Variants in MAP3K1 observed in about 807,000 individuals in gnomAD.
The protein encoded by MAP3K1 is mitogen-activated protein kinase kinase kinase 1, also known as MAP/ERK kinase kinase 1.
In MAP3K1, 36 loss-of-function variants were observed where a neutral mutation model predicts 144.2. The ratio of observed to expected loss-of-function variants is 0.25; its 90% CI spans 0.19 to 0.33. The LOEUF (loss-of-function observed/expected upper bound fraction) is 0.33, where lower values mean the gene tolerates loss of function less well. Among genes scored for constraint, MAP3K1 ranks in the 10% least tolerant of loss-of-function variants. MAP3K1 has a pLI of 1.00. For missense variants in MAP3K1, 1,650 were observed against 1,881.9 expected (o/e 0.88, Z 2.28); for synonymous variants, 718 against 688.7 (o/e 1.04, Z -0.67).
intron 1 of MAP3K1, among the ~76,000 whole-genome samples, chr5:56,832,173 A>G (rs973721818): frequency 5.9e-5 from 9 of 152,230 alleles, no homozygotes; most frequent in Non-Finnish European, 1.0e-4. Context: ...GGAAGAGCAA[A>G]TGAGATGATG....
chr5:56,815,768 G>T lies in MAP3K1; in HGVS notation c.195G>T (p.Val65=). 7.1e-7 allele frequency: 1 copy of T among 1,402,208 alleles called. No individual in the cohort carries two copies. The highest frequency in any genetic ancestry group is 9.3e-7 in the Non-Finnish European group (1 of 1,074,292). 86.9% of individuals were successfully genotyped at this position (1,402,208 alleles called of 1,614,324 possible). Residue 65 remains valine (V), a synonymous_variant, in exon 1 of 20, where the codon GTG becomes GTT. Transcript: ENST00000399503. ...ADWRRRQLRK[V]RSVELDQLPE... ...GGCGGCGGCGGCAGCTGCGCAAAGT[G>T]CGGAGTGTGGAGCTGGACCAGCTGC...
At chr5:56,847,017 T>C (rs1357966750) in intron 1 of MAP3K1, among the ~76,000 whole-genome samples, 1 of 152,250 alleles carries the variant, frequency 6.6e-6, no homozygotes, top group Non-Finnish European at 1.5e-5. Flanking sequence ...GACATGAGTG[T>C]GCCAAAGAAA....
Position 56,848,436 on chromosome 5 carries a change from T to C in MAP3K1, c.483-8164T>C, listed in dbSNP as rs543462910. ...TTGATTAGAAGTGATAATCAGCTAC[T>C]CTGACTCTGAATCAGGGAGTGTTTA... is the stretch of plus-strand genomic sequence containing the variant. On this transcript the variant is annotated intron_variant, in intron 1 of 19. Coordinates refer to ENST00000399503, the MANE Select transcript of MAP3K1 (RefSeq NM_005921.2). Among the ~76,000 whole-genome samples the C allele has an allele frequency of 1.5e-4, 23 of 152,308 alleles. No individual in the cohort carries two copies. The South Asian group carries it at 3.9e-3, about 26-fold the overall frequency.
intron 1 of MAP3K1, chr5:56,817,074 T>C: frequency 6.1e-6 from 6 of 985,400 alleles, no homozygotes; most frequent in Non-Finnish European, 7.2e-6. Flanking sequence ...GGGCTTCGGC[T>C]CAGATGCGTC....
intron 1 of MAP3K1, among the ~76,000 whole-genome samples, chr5:56,851,414 C>T (rs1747166528): frequency 6.6e-6 from 1 of 152,018 alleles, no homozygotes; most frequent in Non-Finnish European, 1.5e-5. Context: ...GCAGCATGTA[C>T]ACTTGGCCCG....
At chr5:56,877,199 T>G (rs1326018328) in intron 10 of MAP3K1, among the ~76,000 whole-genome samples, 1 of 152,238 alleles carries the variant, frequency 6.6e-6, no homozygotes, top group East Asian at 1.9e-4. Context: ...TGCCTCTTAC[T>G]TAGTATTTTC....
intron 3 of MAP3K1, 83 bp downstream of exon 3, chr5:56,859,998 G>C: frequency 8.3e-7 from 1 of 1,206,476 alleles, no homozygotes; most frequent in Non-Finnish European, 1.2e-6. Flanking sequence ...CCAGCCATCT[G>C]TTAGAACATC....
intron 15 of MAP3K1, 74 bp from the exon 16 acceptor site, chr5:56,884,590 T>C: frequency 7.0e-7 from 1 of 1,423,154 alleles, no homozygotes; most frequent in South Asian, 1.2e-5. Context: ...AAGTGCTAGT[T>C]TGCATTTGTT....
At position 56,882,135 on chromosome 5, in the gene MAP3K1, A is replaced by G; in HGVS notation, c.2935A>G (p.Met979Val). ...SSPLSHHSQL[M>V]FPALSTPSSS... ...TCCTTTATCTCATCATTCCCAATTA[A>G]TGTTTCCAGCCTTGTCAACCCCTTC... Residue 979 changes from methionine (M) to valine (V), a missense_variant, in exon 14 of 20, where the codon ATG becomes GTG. Around this residue, in one of 6 missense-constraint regions of MAP3K1, gnomAD observed 841 missense variants for 886.5 expected, o/e 0.95. Transcript: ENST00000399503. 6.2e-7 allele frequency: 1 copy of G among 1,614,008 alleles called. No individual in the cohort carries two copies. The highest frequency in any genetic ancestry group is 8.5e-7 in the Non-Finnish European group (1 of 1,179,994).
rs1438023243 is a variant in MAP3K1, at chr5:56,815,843, C to T, written c.270C>T (p.Ser90=). The T allele has an allele frequency of 1.5e-5, 21 of 1,405,682 alleles. No homozygotes were observed. Among genetic ancestry groups the T allele is most frequent in the Non-Finnish European group, 1.9e-5 (20 of 1,075,546 alleles). 87.1% of individuals were successfully genotyped at this position (1,405,682 alleles called of 1,614,324 possible). A position where few individuals can be genotyped will look rare whatever the true frequency, so the allele number is the denominator to read the frequency against. The stretch of plus-strand genomic sequence containing the variant: ...CCTCACCGCCGGCCTCCTCGACTTC[C>T]CCGTCGCCGGAGCCCGCGGACGCAG... ...LAASPPASST[S]PSPEPADAAG... The change falls in exon 1 of 20, where the codon TCC becomes TCT. Residue 90 remains serine (S), a synonymous_variant. Coordinates refer to ENST00000399503, the MANE Select transcript of MAP3K1 (RefSeq NM_005921.2).
In MAP3K1 at chr5:56,865,416, C is replaced by T. The variant is rs1430249397; in HGVS notation, c.1112C>T (p.Ser371Leu). The change falls in exon 5 of 20, where the codon TCA (serine) becomes TTA (leucine). Residue 371 changes from serine to leucine, a missense_variant. Transcript: ENST00000399503. Reference protein sequence around the residue: ...VMLRVFQLEPSDPMLWRKTLK... With the variant: ...VMLRVFQLEPLDPMLWRKTLK... ...CTCCGGGTGTTTCAACTAGAACCTT[C>T]AGACCCAATGTTATGGAGAAAAACT... 1 of 1,609,766 alleles carries T rather than the reference C, an allele frequency of 6.2e-7. No individual in the cohort carries two copies. The highest frequency in any genetic ancestry group is 1.7e-5 in the Admixed American group (1 of 60,006).
At position 56,883,654 on chromosome 5, in the gene MAP3K1, C is replaced by A. The variant is rs1207183901; in HGVS notation, c.3794C>A (p.Thr1265Asn). 6.2e-7 allele frequency: 1 copy of A among 1,613,868 alleles called. No individual in the cohort carries two copies. The highest frequency in any genetic ancestry group is 2.2e-5 in the East Asian group (1 of 44,880). The stretch of plus-strand genomic sequence containing the variant: ...TGTTATCAGGCTCAAGATGTGGGAA[C>A]TGGAACTTTAATGGCTGTTAAACAG... ...SSCYQAQDVGTGTLMAVKQVT... is the reference protein window; with the variant it reads ...SSCYQAQDVGNGTLMAVKQVT... Residue 1265 changes from threonine to asparagine, a missense_variant, in exon 15 of 20, where the codon ACT (threonine) becomes AAT (asparagine). Physicochemically the swap from Thr to Asn is moderately conservative, Grantham distance 65 (BLOSUM62 0). Around this residue, in one of 6 missense-constraint regions of MAP3K1, gnomAD observed 165 missense variants for 322.9 expected, o/e 0.51. Coordinates refer to ENST00000399503, the MANE Select transcript of MAP3K1 (RefSeq NM_005921.2).
At chr5:56,823,340 CTG>C (rs1005692029) in intron 1 of MAP3K1, among the ~76,000 whole-genome samples, 4 of 152,164 alleles carry the variant, frequency 2.6e-5, no homozygotes, top group Non-Finnish European at 5.9e-5. Flanking sequence ...GCCAGGAACA[CTG>C]TTTTTCCATA....
chr5:56,882,189 A>G lies in MAP3K1; in HGVS notation c.2989A>G (p.Thr997Ala), dbSNP rs1446404328. The G allele has an allele frequency of 6.2e-7, 1 of 1,614,030 alleles. No individual in the cohort carries two copies. The highest frequency in any genetic ancestry group is 2.2e-5 in the East Asian group (1 of 44,876). ...TTCTACCCCATCTGTACCAGCTGGC[A>G]CTGCAACAGATGTCTCTAAGCATAG... ...SSSTPSVPAG[T>A]ATDVSKHRLQ... The change falls in exon 14 of 20, where the codon ACT becomes GCT. Residue 997 changes from threonine to alanine, a missense_variant. Thr to Ala is a moderately conservative substitution (Grantham distance 58). This residue lies in a region of MAP3K1 where 841 missense variants were observed against 886.5 expected (regional missense o/e 0.95). Coordinates refer to ENST00000399503, the MANE Select transcript of MAP3K1 (RefSeq NM_005921.2).
chr5:56,824,288 C>T (rs1746242704), intron 1 of MAP3K1, among the ~76,000 whole-genome samples: 1 of 152,232 alleles, frequency 6.6e-6, no homozygotes, highest in Admixed American at 6.5e-5. Context: ...GGACCTGTAA[C>T]AAAATATGTG....
intron 6 of MAP3K1, among the ~76,000 whole-genome samples, chr5:56,871,601 C>G (rs1253444642): frequency 6.6e-6 from 1 of 152,098 alleles, no homozygotes; most frequent in Non-Finnish European, 1.5e-5. Flanking sequence ...ACCTGTTGGT[C>G]TATTCAAAAG....
chr5:56,850,744 A>G (rs1271436254), intron 1 of MAP3K1, among the ~76,000 whole-genome samples: 9 of 152,154 alleles, frequency 5.9e-5, no homozygotes, highest in African/African-American at 1.9e-4. Context: ...AAGACCTCAC[A>G]GGGTTGCTGG....
chr5:56,815,580 G>A lies in MAP3K1; in HGVS notation c.7G>A (p.Ala3Thr), dbSNP rs2111724752. 1 of 1,299,364 alleles carries A rather than the reference G, an allele frequency of 7.7e-7. No homozygotes were observed. The highest frequency in any genetic ancestry group is 9.7e-7 in the Non-Finnish European group (1 of 1,026,942). 80.5% of individuals were successfully genotyped at this position (1,299,364 alleles called of 1,614,324 possible). A position where few individuals can be genotyped will look rare whatever the true frequency, so the allele number is the denominator to read the frequency against. MA[A>T]AAGNRASSSG... ...ATGTAGCCCGCGAGAGAAAATGGCGGCGGCGGCGGGGAATCGCGCCTCGTC... is the reference window on the plus strand; with the variant it reads ...ATGTAGCCCGCGAGAGAAAATGGCGACGGCGGCGGGGAATCGCGCCTCGTC... The change falls in exon 1 of 20, where the codon GCG (alanine) becomes ACG (threonine). Residue 3 changes from alanine (A) to threonine (T), a missense_variant. By Grantham distance (58) the Ala-to-Thr change is moderately conservative. This residue lies in a region of MAP3K1 where 360 missense variants were observed against 274.7 expected (regional missense o/e 1.31). Coordinates refer to ENST00000399503, the MANE Select transcript of MAP3K1 (RefSeq NM_005921.2).
At chr5:56,887,106 G>T (rs761684396) in intron 17 of MAP3K1, among the ~76,000 whole-genome samples, 5 of 152,152 alleles carry the variant, frequency 3.3e-5, no homozygotes, top group Non-Finnish European at 7.4e-5. Flanking sequence ...TCTGTCATTA[G>T]TCTTTTTAGC....
Sources: allele counts gnomAD v4.1 joint callset (sites outside exome capture counted in the v4.1 genomes callset), GRCh38; gene constraint gnomAD v4.1.1; regional missense constraint gnomAD v4.1.1; transcripts MANE v1.5; gene names NCBI Gene and HGNC (gene_info 2026-07-23, HGNC 2026-07-21).